RAB30: variants seen among roughly 807,000 people sequenced by gnomAD.
RAB30 encodes the protein RAB30, member RAS oncogene family, also known as ras-related protein Rab-30.
In RAB30, 9 loss-of-function variants were observed where a neutral mutation model predicts 25.1. The observed-to-expected ratio is 0.36, with a 90% CI of 0.22 to 0.63. RAB30 has a LOEUF of 0.63. Ranked by LOEUF, RAB30 falls within the 20% of genes least tolerant of loss-of-function variation. The pLI is 0.69. For synonymous variants in RAB30, 77 were observed against 86.4 expected (o/e 0.89, Z 0.60); for missense variants, 140 against 243.5 (o/e 0.58, Z 2.83).
At chr11:83,028,960 G>A (rs35139828) in intron 1 of RAB30, among the ~76,000 whole-genome samples, 22,928 of 152,058 alleles carry the variant, frequency 0.15, 1,826 homozygotes, top group Middle Eastern at 0.23. Flanking sequence ...AGAGTTCGAG[G>A]CTACAATGAG....
intron 2 of RAB30, among the ~76,000 whole-genome samples, chr11:82,996,573 A>C (rs1246462678): frequency 6.6e-6 from 1 of 152,248 alleles, no homozygotes; most frequent in Admixed American, 6.5e-5. Context: ...ATTTCTATAT[A>C]AAAGCAGTAT....
chr11:83,002,128 C>A (rs1293266386), intron 1 of RAB30, among the ~76,000 whole-genome samples: 1 of 152,186 alleles, frequency 6.6e-6, no homozygotes, highest in Non-Finnish European at 1.5e-5. Flanking sequence ...GATGCTGCTA[C>A]CCCCTGCCTT....
In RAB30 at chr11:83,033,349, A is replaced by G. The variant is rs371636324; in HGVS notation, c.-8-36025T>C. Among the ~76,000 whole-genome samples, 24 of 152,270 alleles carry G rather than the reference A, an allele frequency of 1.6e-4. 1 individual carries two copies. In the South Asian group the frequency reaches 5.0e-3, roughly 32 times the overall value. The stretch of plus-strand genomic sequence containing the variant: ...CCAAAGTGCTGGGATTACAGGTGTC[A>G]GCCACTGAGCCCGGCCTGCCTCAAG... On this transcript the variant is annotated intron_variant, in intron 1 of 4. Transcript: ENST00000527633.
intron 1 of RAB30, among the ~76,000 whole-genome samples, chr11:83,027,536 C>T (rs1334963678): frequency 6.6e-6 from 1 of 152,106 alleles, no homozygotes; most frequent in Non-Finnish European, 1.5e-5. Context: ...TCCAGATCAC[C>T]GTACCGTGAG....
At chr11:83,052,936 C>T (rs1858386022) in intron 1 of RAB30, among the ~76,000 whole-genome samples, 1 of 152,112 alleles carries the variant, frequency 6.6e-6, no homozygotes. Flanking sequence ...AGGTGCAAGG[C>T]AATATTAATA....
At chr11:83,026,494 T>C (rs1202589275) in intron 1 of RAB30, among the ~76,000 whole-genome samples, 2 of 152,166 alleles carry the variant, frequency 1.3e-5, no homozygotes, top group Non-Finnish European at 2.9e-5. Flanking sequence ...GTTTCCACTC[T>C]CACATGTAAC....
At position 82,973,738 on chromosome 11, in the gene RAB30, A is replaced by G. The variant is rs1856494322; in HGVS notation, c.*8427T>C. On this transcript the variant is annotated 3_prime_UTR_variant, in exon 5 of 5. Transcript: ENST00000527633. ...TACGTAAATAAACATAAATGATTTGATTTGATTTGTCAGACTAATTGTTTT... is the reference window on the plus strand; with the variant it reads ...TACGTAAATAAACATAAATGATTTGGTTTGATTTGTCAGACTAATTGTTTT... The G allele has an allele frequency of 6.6e-6, 1 of 152,222 alleles. No individual in the cohort carries two copies. The highest frequency in any genetic ancestry group is 2.1e-4 in the South Asian group (1 of 4,834). 9.4% of individuals were successfully genotyped at this position (152,222 alleles called of 1,614,324 possible).
chr11:82,992,714 CTCTT>C (rs1413196351), intron 3 of RAB30, among the ~76,000 whole-genome samples: 7 of 147,784 alleles, frequency 4.7e-5, no homozygotes, highest in Non-Finnish European at 7.4e-5. Flanking sequence ...CCTTCTCTCT[CTCTT>C]TCTCTCTCTC....
rs200966497 is a variant in RAB30 at position 82,982,231 on chromosome 11, A to G, written c.546T>C (p.Asn182=). Residue 182 remains asparagine, a synonymous_variant, in exon 5 of 5, where the codon AAT becomes AAC. Coordinates refer to ENST00000527633, the MANE Select transcript of RAB30 (RefSeq NM_001286060.2). ...SEARQNTLVN[N]VSSPLPGEGK... is the part of the protein sequence containing the mutation. ...CTTCTCCAGGTAAGGGTGAGGATAC[A>G]TTGTTCACAAGTGTGTTCTGTCTGG... The G allele has an allele frequency of 1.9e-5, 31 of 1,614,228 alleles. No individual in the cohort carries two copies. The highest frequency in any genetic ancestry group is 8.3e-5 in the Admixed American group (5 of 60,030).
intron 4 of RAB30, among the ~76,000 whole-genome samples, chr11:82,986,484 T>G (rs1235551195): frequency 6.6e-6 from 1 of 152,254 alleles, no homozygotes; most frequent in Non-Finnish European, 1.5e-5. Flanking sequence ...AAAGGCTTTC[T>G]GTAAAACAGA....
intron 4 of RAB30, among the ~76,000 whole-genome samples, chr11:82,983,793 T>C (rs916680036): frequency 6.6e-6 from 1 of 151,948 alleles, no homozygotes; most frequent in African/African-American, 2.4e-5. Flanking sequence ...GCAACCCCAG[T>C]GGTATATAGC....
rs1856642230 is a variant in RAB30, at chr11:82,981,770, A to G, written c.*395T>C. On this transcript the variant is annotated 3_prime_UTR_variant, in exon 5 of 5. Transcript: ENST00000527633. ...TAGACAAGAAAACCAGGGCCCCCAG[A>G]TGATTACCACCGAAGCCCTAAAGAA... The G allele has an allele frequency of 5.9e-6, 1 of 168,642 alleles. No individual in the cohort carries two copies. The highest frequency in any genetic ancestry group is 2.4e-5 in the African/African-American group (1 of 41,710). 10.4% of individuals were successfully genotyped at this position (168,642 alleles called of 1,614,324 possible).
rs930307649 is a variant in RAB30 at position 82,980,019 on chromosome 11, G to A, written c.*2146C>T. 11 of 152,206 alleles carry A rather than the reference G, an allele frequency of 7.2e-5. No individual in the cohort carries two copies. The allele number at this position is 152,206 out of a possible 1,614,324, so 9.4% of individuals were successfully genotyped here. A position where few individuals can be genotyped will look rare whatever the true frequency, so the allele number is the denominator to read the frequency against. On this transcript the variant is annotated 3_prime_UTR_variant, in exon 5 of 5. Coordinates refer to ENST00000527633, the MANE Select transcript of RAB30 (RefSeq NM_001286060.2). ...CTTTATTTTCAACACACTTGCAACT[G>A]TGAGACAAAGTTGGGTCATCATGTG...
chr11:82,994,183 T>C (rs1236916344), intron 2 of RAB30, 61 bp from the exon 3 acceptor site: 2 of 1,435,316 alleles, frequency 1.4e-6, no homozygotes, highest in East Asian at 4.6e-5. Flanking sequence ...TGAAATTTTC[T>C]CCTCTCCCCC....
chr11:82,992,706 TTCTC>T lies in RAB30; in HGVS notation c.177+1329_177+1332del, dbSNP rs1166793044. Among the ~76,000 whole-genome samples, 17 of 141,812 alleles carry T rather than the reference TTCTC, an allele frequency of 1.2e-4. No individual in the cohort carries two copies. The South Asian group carries it at 3.5e-3, about 29-fold the overall frequency. 93.0% of individuals were successfully genotyped at this position (141,812 alleles called of 152,430 possible). On this transcript the variant is annotated intron_variant, in intron 3 of 4. Coordinates refer to ENST00000527633, the MANE Select transcript of RAB30 (RefSeq NM_001286060.2). Reference sequence around the variant, plus strand: ...CCTTCTTTCCATCCCTCCCCCAGCCTTCTCTCTCTCTTTCTCTCTCTCTGTCACC... The same window carrying T: ...CCTTCTTTCCATCCCTCCCCCAGCCTTCTCTCTTTCTCTCTCTCTGTCACC...
rs749136761 is a variant in RAB30 at position 83,010,600 on chromosome 11, G to C, written c.-8-13276C>G. 2.0e-5 allele frequency among the ~76,000 whole-genome samples: 3 copies of C among 152,016 alleles called. No homozygotes were observed. The East Asian group carries it at 5.8e-4, about 29-fold the overall frequency. ...AAATATCTTAGGGGCTCAATAGTGG[G>C]GAGGGAAACATGGGACAGGTACACA... On this transcript the variant is annotated intron_variant, in intron 1 of 4. Transcript: ENST00000527633.
At chr11:83,014,648 AAG>A (rs1376316660) in intron 1 of RAB30, among the ~76,000 whole-genome samples, 2 of 132,736 alleles carry the variant, frequency 1.5e-5, no homozygotes, top group Middle Eastern at 3.6e-3. Flanking sequence ...GAAAGAAAGA[AAG>A]AAAGAAAGAA....
intron 4 of RAB30, among the ~76,000 whole-genome samples, chr11:82,983,642 C>T (rs1442056441): frequency 6.6e-6 from 1 of 151,774 alleles, no homozygotes; most frequent in Non-Finnish European, 1.5e-5. Flanking sequence ...TCGCCACGTC[C>T]AGGCTGGTCT....
rs909776290 is a variant in RAB30 at position 82,997,127 on chromosome 11, G to A, written c.93+97C>T. 7.1e-6 allele frequency: 7 copies of A among 990,232 alleles called. No homozygotes were observed. The African/African-American group carries it at 1.1e-4, about 16-fold the overall frequency. 61.3% of individuals were successfully genotyped at this position (990,232 alleles called of 1,614,324 possible). On this transcript the variant is annotated intron_variant, in intron 2 of 4. Transcript: ENST00000527633. Reference sequence around the variant, plus strand: ...AACTCACAGCTAAGACCCTGGCATTGAAACTGGTCATCCATCTCGACAGAT... The same window carrying A: ...AACTCACAGCTAAGACCCTGGCATTAAAACTGGTCATCCATCTCGACAGAT...
Sources: allele counts gnomAD v4.1 joint callset (sites outside exome capture counted in the v4.1 genomes callset), GRCh38; gene constraint gnomAD v4.1.1; transcripts MANE v1.5; gene names NCBI Gene and HGNC (gene_info 2026-07-23, HGNC 2026-07-21).